The following SGCZ variants were observed in gnomAD, a reference collection of about 807,000 sequenced individuals.
SGCZ encodes zeta-sarcoglycan.
A neutral mutation model predicts 41.3 loss-of-function variants in SGCZ; 40 were observed. The ratio of observed to expected loss-of-function variants is 0.97; its 90% CI spans 0.75 to 1.26. SGCZ has a LOEUF of 1.26. Among genes scored for constraint, SGCZ ranks in the 50% most tolerant of loss-of-function variants. SGCZ has a pLI of 0.00. For missense variants in SGCZ, 552 were observed against 369.8 expected (o/e 1.49, Z -4.04); for synonymous variants, 206 against 137.5 (o/e 1.50, Z -3.49).
At chr8:14,836,780 G>T (rs749092889) in intron 1 of SGCZ, among the ~76,000 whole-genome samples, 16 of 152,092 alleles carry the variant, frequency 1.1e-4, no homozygotes, top group Non-Finnish European at 1.5e-5. Flanking sequence ...CAGATTACAG[G>T]CATGAGCCAC....
chr8:15,078,959 T>C (rs1466656075), intron 1 of SGCZ, among the ~76,000 whole-genome samples: 1 of 152,154 alleles, frequency 6.6e-6, no homozygotes, highest in Non-Finnish European at 1.5e-5. Context: ...TCTTAATGTT[T>C]ATATTAAGTA....
At chr8:14,938,977 T>G (rs1008114579) in intron 1 of SGCZ, among the ~76,000 whole-genome samples, 19 of 152,264 alleles carry the variant, frequency 1.2e-4, no homozygotes, top group African/African-American at 4.6e-4. Context: ...ACTGCCTCAG[T>G]GTCTTTCAGT....
intron 1 of SGCZ, among the ~76,000 whole-genome samples, chr8:14,780,265 C>T (rs1048523095): frequency 6.6e-5 from 10 of 151,488 alleles, no homozygotes; most frequent in African/African-American, 2.4e-4. Flanking sequence ...GTCCCAGCTA[C>T]TCGGGAGGCT....
At chr8:14,322,181 G>C (rs1801943546) in intron 3 of SGCZ, among the ~76,000 whole-genome samples, 1 of 152,106 alleles carries the variant, frequency 6.6e-6, no homozygotes, top group African/African-American at 2.4e-5. Flanking sequence ...AAGTGTATGA[G>C]TCCACTCCTA....
intron 1 of SGCZ, among the ~76,000 whole-genome samples, chr8:15,205,906 T>TA (rs1801045011): frequency 2.0e-5 from 3 of 152,140 alleles, no homozygotes; most frequent in South Asian, 4.1e-4. Context: ...TATGCAGTCA[T>TA]AAAAAAGAAT....
chr8:14,768,717 T>C (rs986746664), intron 1 of SGCZ, among the ~76,000 whole-genome samples: 2 of 152,086 alleles, frequency 1.3e-5, no homozygotes, highest in Middle Eastern at 3.4e-3. Flanking sequence ...AATTTTGTAA[T>C]ATGCTCTCAC....
intron 2 of SGCZ, among the ~76,000 whole-genome samples, chr8:14,507,358 T>C (rs1373447652): frequency 2.0e-5 from 3 of 152,170 alleles, no homozygotes. Context: ...TCTGCCTGTA[T>C]AATTAAAATC....
intron 1 of SGCZ, among the ~76,000 whole-genome samples, chr8:15,151,853 G>A (rs1799188786): frequency 6.6e-6 from 1 of 152,066 alleles, no homozygotes; most frequent in Non-Finnish European, 1.5e-5. Context: ...CAATATACTG[G>A]CTTTTTCATC....
intron 1 of SGCZ, among the ~76,000 whole-genome samples, chr8:15,187,677 C>T (rs1450723381): frequency 6.6e-6 from 1 of 151,946 alleles, no homozygotes; most frequent in Non-Finnish European, 1.5e-5. Flanking sequence ...AAAATCAAAA[C>T]CCATAACTTA....
intron 1 of SGCZ, among the ~76,000 whole-genome samples, chr8:15,003,269 GA>G (rs1563427380): frequency 6.6e-6 from 1 of 152,134 alleles, no homozygotes; most frequent in African/African-American, 2.4e-5. Flanking sequence ...ACGAAGCAGA[GA>G]GGGTTGCTGA....
At chr8:14,259,195 T>C (rs1178530283) in intron 3 of SGCZ, among the ~76,000 whole-genome samples, 2 of 152,202 alleles carry the variant, frequency 1.3e-5, no homozygotes, top group Non-Finnish European at 2.9e-5. Flanking sequence ...ATAGATAAAA[T>C]ACCTACTGAG....
intron 1 of SGCZ, among the ~76,000 whole-genome samples, chr8:14,758,529 C>G (rs1799758333): frequency 6.6e-6 from 1 of 152,042 alleles, no homozygotes; most frequent in East Asian, 1.9e-4. Flanking sequence ...CCTGAGAAAT[C>G]TGGGACACCG....
At chr8:14,830,397 T>G (rs1802484676) in intron 1 of SGCZ, among the ~76,000 whole-genome samples, 1 of 152,228 alleles carries the variant, frequency 6.6e-6, no homozygotes, top group African/African-American at 2.4e-5. Flanking sequence ...TAGCATTAAA[T>G]ATTGTCAATT....
At chr8:14,255,514 A>T (rs1799430822) in intron 3 of SGCZ, among the ~76,000 whole-genome samples, 1 of 152,184 alleles carries the variant, frequency 6.6e-6, no homozygotes, top group African/African-American at 2.4e-5. Flanking sequence ...TTTGTATTCA[A>T]CTGATAAAAA....
Position 15,223,647 on chromosome 8 carries a change from C to A in SGCZ, c.39+13938G>T, listed in dbSNP as rs185159522. On this transcript the variant is annotated intron_variant, in intron 1 of 7. Coordinates refer to ENST00000382080, the MANE Select transcript of SGCZ (RefSeq NM_139167.4). Reference sequence around the variant, plus strand: ...ATATTAACAAGGATGTAATAAATATCTAACCTGGATCCATGATTTGGTAGA... The same window carrying A: ...ATATTAACAAGGATGTAATAAATATATAACCTGGATCCATGATTTGGTAGA... Among the ~76,000 whole-genome samples, 343 of 152,240 alleles carry A rather than the reference C, an allele frequency of 2.3e-3. 1 individual carries two copies. Among genetic ancestry groups the A allele is most frequent in the African/African-American group, 7.8e-3 (324 of 41,556 alleles).
intron 1 of SGCZ, among the ~76,000 whole-genome samples, chr8:14,787,381 T>C (rs1180979850): frequency 6.6e-6 from 1 of 152,024 alleles, no homozygotes; most frequent in Non-Finnish European, 1.5e-5. Context: ...AAATACTTAA[T>C]ATACTTGGTA....
chr8:14,726,311 C>CATATATATATATAT (rs1202306930), intron 1 of SGCZ, among the ~76,000 whole-genome samples: 1,774 of 107,150 alleles, frequency 0.017, 61 homozygotes, highest in Middle Eastern at 0.025. Flanking sequence ...TGTGTAAATA[C>CATATATATATATAT]ATATATATAT....
At chr8:15,201,230 T>C (rs1800879016) in intron 1 of SGCZ, among the ~76,000 whole-genome samples, 1 of 152,174 alleles carries the variant, frequency 6.6e-6, no homozygotes. Context: ...TTGGCCGGGC[T>C]GGTCTCGAAC....
At chr8:14,846,703 CAA>C (rs56796907) in intron 1 of SGCZ, among the ~76,000 whole-genome samples, 2 of 19,392 alleles carry the variant, frequency 1.0e-4, no homozygotes, top group Non-Finnish European at 1.1e-4. Context: ...CCTTTAAATC[CAA>C]AAAAAAAAAA....
Sources: gnomAD v4.1 joint callset for allele counts (sites outside exome capture counted in the v4.1 genomes callset) on GRCh38, gnomAD v4.1.1 for gene constraint, MANE v1.5 for transcripts, NCBI Gene and HGNC (gene_info 2026-07-23, HGNC 2026-07-21) for gene names.